Variants in TMPRSS15 observed in about 807,000 individuals in gnomAD.
TMPRSS15 encodes the protein transmembrane serine protease 15.
A neutral mutation model predicts 125.3 loss-of-function variants in TMPRSS15; 128 were observed. The ratio of observed to expected loss-of-function variants is 1.02; its 90% CI spans 0.89 to 1.18. The LOEUF (loss-of-function observed/expected upper bound fraction) is 1.18. Among genes scored for constraint, TMPRSS15 ranks in the 50% most tolerant of loss-of-function variants. The probability of loss-of-function intolerance (pLI) is 0.00; values close to 1 mark genes in which losing one functional copy is unlikely to be tolerated. For missense variants in TMPRSS15, 1,283 were observed against 1,212.7 expected, an observed-to-expected ratio of 1.06 and a Z score of -0.86; for synonymous variants, 446 against 423.2, an observed-to-expected ratio of 1.05 and a Z score of -0.66.
In TMPRSS15 at chr21:18,438,242, C is replaced by T. The variant is rs1013882634; in HGVS notation, c.11-39913G>A. 4.1e-5 allele frequency among the ~76,000 whole-genome samples: 6 copies of T among 146,540 alleles called. No homozygotes were observed. The South Asian group carries it at 6.5e-4, about 16-fold the overall frequency. On this transcript the variant is annotated intron_variant, in intron 1 of 7. Transcript: ENST00000422787. ...ATCGCAAGGACAAAAAACCAAACAC[C>T]GCATATTCTCACTCATAGATGGGAA...
intron 16 of TMPRSS15, 25 bp downstream of exon 16, chr21:18,326,407 C>A: frequency 6.2e-7 from 1 of 1,614,040 alleles, no homozygotes; most frequent in Non-Finnish European, 8.5e-7. Flanking sequence ...AGTTATGATG[C>A]AATGTGTGAT....
intron 1 of TMPRSS15, among the ~76,000 whole-genome samples, chr21:18,451,888 G>A (rs1358901701): frequency 8.1e-6 from 1 of 123,974 alleles, no homozygotes; most frequent in Non-Finnish European, 1.7e-5. Context: ...CATAAGACAT[G>A]CATGACATGC....
chr21:18,413,230 CCTTT>C (rs957908217), intron 1 of TMPRSS15, among the ~76,000 whole-genome samples: 2 of 126,268 alleles, frequency 1.6e-5, no homozygotes, highest in African/African-American at 5.9e-5. Flanking sequence ...TTCCTTCCTT[CCTTT>C]TCTCTCTCTT....
chr21:18,423,022 G>T (rs1406148330), intron 1 of TMPRSS15, among the ~76,000 whole-genome samples: 4 of 152,176 alleles, frequency 2.6e-5, no homozygotes, highest in Non-Finnish European at 1.5e-5. Flanking sequence ...CTTAGGTCAG[G>T]CTCATATGCA....
intron 1 of TMPRSS15, among the ~76,000 whole-genome samples, chr21:18,442,943 T>C: frequency 6.6e-6 from 1 of 152,188 alleles, no homozygotes; most frequent in East Asian, 1.9e-4. Context: ...TAGGAAGTGA[T>C]TACTGGATAG....
Position 18,315,245 on chromosome 21 carries a change from C to T in TMPRSS15, c.1933G>A (p.Ala645Thr). ...CCATTTTTACATTGAAAATGGTCTG[C>T]CTTGCATGGCTCTATGGGGAAAGAA... ...YHLGIPEPCK[A>T]DHFQCKNGEC... Residue 645 changes from alanine to threonine, a missense_variant, in exon 17 of 25, where the codon GCA becomes ACA. Physicochemically the swap from Ala to Thr is moderately conservative, Grantham distance 58 (BLOSUM62 0). Transcript: ENST00000284885. The T allele has an allele frequency of 6.2e-7, 1 of 1,612,556 alleles. No individual in the cohort carries two copies. The highest frequency in any genetic ancestry group is 8.5e-7 in the Non-Finnish European group (1 of 1,179,102).
intron 13 of TMPRSS15, among the ~76,000 whole-genome samples, chr21:18,340,480 T>C (rs989351944): frequency 6.6e-6 from 1 of 152,178 alleles, no homozygotes; most frequent in African/African-American, 2.4e-5. Flanking sequence ...AGATGGCCTA[T>C]TATGAAATTT....
intron 23 of TMPRSS15, 126 bp from the exon 24 acceptor site, chr21:18,275,462 G>T: frequency 8.6e-7 from 1 of 1,157,076 alleles, no homozygotes; most frequent in Non-Finnish European, 1.3e-6. Context: ...TATATATAAT[G>T]GAACTAAATA....
intron 3 of TMPRSS15, among the ~76,000 whole-genome samples, chr21:18,389,429 A>G (rs2075973126): frequency 6.6e-6 from 1 of 152,222 alleles, no homozygotes; most frequent in South Asian, 2.1e-4. Flanking sequence ...TTTGAGAATC[A>G]TTATAAAATA....
intron 1 of TMPRSS15, among the ~76,000 whole-genome samples, chr21:18,412,462 A>G (rs1365667302): frequency 3.3e-5 from 5 of 152,244 alleles, no homozygotes; most frequent in Admixed American, 3.3e-4. Flanking sequence ...TAAAGAACTA[A>G]AAGTTCCTGA....
chr21:18,284,219 C>G (rs1478374592), intron 21 of TMPRSS15, among the ~76,000 whole-genome samples: 1 of 152,174 alleles, frequency 6.6e-6, no homozygotes, highest in Non-Finnish European at 1.5e-5. Context: ...ATGCACTTAA[C>G]TTCCCCACCA....
At chr21:18,288,513 A>G in intron 21 of TMPRSS15, among the ~76,000 whole-genome samples, 1 of 150,144 alleles carries the variant, frequency 6.7e-6, no homozygotes, top group South Asian at 2.1e-4. Context: ...CTATTGTCCT[A>G]AGAAAATGCT....
At chr21:18,453,106 C>T (rs927669626) in intron 1 of TMPRSS15, among the ~76,000 whole-genome samples, 27 of 152,170 alleles carry the variant, frequency 1.8e-4, no homozygotes, top group African/African-American at 6.5e-4. Flanking sequence ...TTATAAACAA[C>T]CCCACATTTT....
intron 1 of TMPRSS15, among the ~76,000 whole-genome samples, chr21:18,444,902 C>A (rs1419385676): frequency 6.6e-6 from 1 of 152,152 alleles, no homozygotes; most frequent in African/African-American, 2.4e-5. Flanking sequence ...CTCTCTCCCT[C>A]CATGAGATAA....
At chr21:18,405,466 TA>T (rs1234154839), upstream of TMPRSS15, among the ~76,000 whole-genome samples, 6 of 152,192 alleles carry the variant, frequency 3.9e-5, no homozygotes, top group East Asian at 9.7e-4. Flanking sequence ...GAAAAGTTAT[TA>T]AAATAAAACA....
intron 1 of TMPRSS15, among the ~76,000 whole-genome samples, chr21:18,419,436 C>A (rs2076187547): frequency 6.6e-6 from 1 of 151,832 alleles, no homozygotes; most frequent in African/African-American, 2.4e-5. Flanking sequence ...CGTGTTAGAC[C>A]GGATGGTCTC....
In TMPRSS15 at chr21:18,398,266, T is replaced by C. The variant is rs1275114726; in HGVS notation, c.209A>G (p.Tyr70Cys). Residue 70 changes from tyrosine (Y) to cysteine (C), a missense_variant, in exon 2 of 25, where the codon TAT (tyrosine) becomes TGT (cysteine). Physicochemically the swap from Tyr to Cys is radical, Grantham distance 194 (BLOSUM62 -2). Transcript: ENST00000284885. ...GAGTTTGTCTTGCAAATTAGGATTA[T>C]ATGTAACTCCGGATGTTATTTTAAA... ...ATFKITSGVT[Y>C]NPNLQDKLSV... The C allele has an allele frequency of 6.2e-7, 1 of 1,613,880 alleles. No homozygotes were observed. Among genetic ancestry groups the C allele is most frequent in the Non-Finnish European group, 8.5e-7 (1 of 1,179,796 alleles).
At chr21:18,282,678 A>T (rs890240425) in intron 21 of TMPRSS15, among the ~76,000 whole-genome samples, 1 of 152,220 alleles carries the variant, frequency 6.6e-6, no homozygotes, top group Non-Finnish European at 1.5e-5. Flanking sequence ...ACAAAATACT[A>T]CTTGGTGCCA....
rs753168111 is a variant in TMPRSS15, at chr21:18,383,733, C to T, written c.390G>A (p.Trp130Ter). ...CTTCTTTTACATTTTCATCTGACACCCACTGGGCAAAGAAAAGGTCAAATA... is the reference window on the plus strand; with the variant it reads ...CTTCTTTTACATTTTCATCTGACACTCACTGGGCAAAGAAAAGGTCAAATA... ...IVVFDLFFAQ[W>*]VSDENVKEEL... Residue 130 changes from tryptophan to a stop codon, truncating the protein, a stop_gained, in exon 4 of 25, where the codon TGG becomes TGA. Transcript: ENST00000284885. LOFTEE classifies it high-confidence loss of function. 6.2e-7 allele frequency: 1 copy of T among 1,613,740 alleles called. No individual in the cohort carries two copies. The highest frequency in any genetic ancestry group is 1.7e-5 in the Admixed American group (1 of 59,956).
Sources: gnomAD v4.1 joint callset for allele counts (sites outside exome capture counted in the v4.1 genomes callset) on GRCh38, gnomAD v4.1.1 for gene constraint, MANE v1.5 for transcripts, NCBI Gene and HGNC (gene_info 2026-07-23, HGNC 2026-07-21) for gene names.